The following CEBPZ variants were observed in gnomAD, a reference collection of about 807,000 sequenced individuals.
CEBPZ encodes the protein CCAAT enhancer binding protein zeta, also known as CCAAT/enhancer-binding protein zeta.
A neutral mutation model predicts 104.5 loss-of-function variants in CEBPZ; 78 were observed. The observed-to-expected ratio is 0.75, with a 90% CI of 0.62 to 0.90. The LOEUF (loss-of-function observed/expected upper bound fraction) is 0.90. Among genes scored for constraint, CEBPZ ranks in the 40% least tolerant of loss-of-function variants. CEBPZ has a pLI of 0.00. For missense variants in CEBPZ, 1,439 were observed against 1,233.5 expected, an observed-to-expected ratio of 1.17 and a Z score of -2.50; for synonymous variants, 470 against 427.0, an observed-to-expected ratio of 1.10 and a Z score of -1.24.
chr2:37,206,019 G>A (rs150921050), intron 13 of CEBPZ, among the ~76,000 whole-genome samples: 55 of 152,346 alleles, frequency 3.6e-4, no homozygotes, highest in African/African-American at 1.2e-3. Context: ...AAAAATGAAT[G>A]AGCAGAGATT....
chr2:37,211,771 A>T, intron 12 of CEBPZ, 72 bp downstream of exon 12: 1 of 1,151,676 alleles, frequency 8.7e-7, no homozygotes, highest in Non-Finnish European at 1.2e-6. Context: ...AAAAACCTTT[A>T]GCAGAAAAAC....
intron 1 of CEBPZ, among the ~76,000 whole-genome samples, chr2:37,229,769 A>G (rs756403391): frequency 7.2e-5 from 11 of 152,198 alleles, no homozygotes; most frequent in Non-Finnish European, 1.5e-4. Context: ...GTACAGTGGC[A>G]TGACCATGGC....
chr2:37,223,174 T>C lies in CEBPZ; in HGVS notation c.1877A>G (p.His626Arg). The C allele has an allele frequency of 1.2e-6, 2 of 1,611,238 alleles. No individual in the cohort carries two copies. Among genetic ancestry groups the C allele is most frequent in the Non-Finnish European group, 8.5e-7 (1 of 1,177,926 alleles). ...AAAAGCAGTTGTAAAATATACCGGATGATCATCTAGTTGGCTTCTTAAACC... is the reference window on the plus strand; with the variant it reads ...AAAAGCAGTTGTAAAATATACCGGACGATCATCTAGTTGGCTTCTTAAACC... ...KPGLRSQLDD[H>R]PESDDEENFI... is the part of the protein sequence containing the mutation. The change falls in exon 3 of 16, where the codon CAT becomes CGT. Residue 626 changes from histidine (H) to arginine (R), a missense_variant. Coordinates refer to ENST00000234170, the MANE Select transcript of CEBPZ (RefSeq NM_005760.3).
intron 1 of CEBPZ, 33 bp from the exon 2 acceptor site, chr2:37,229,069 C>T: frequency 7.1e-7 from 1 of 1,399,274 alleles, no homozygotes; most frequent in Non-Finnish European, 9.4e-7. Context: ...AAATACATTA[C>T]AAATGTGAAA....
In CEBPZ at chr2:37,223,322, C is replaced by T; in HGVS notation, c.1729G>A (p.Asp577Asn). The T allele has an allele frequency of 6.2e-7, 1 of 1,614,140 alleles. No homozygotes were observed. Residue 577 changes from aspartate (D) to asparagine (N), a missense_variant, in exon 3 of 16, where the codon GAC becomes AAC. Asp to Asn is a conservative substitution (Grantham distance 23, BLOSUM62 1). Transcript: ENST00000234170. ...GCCTTCACCCGGCGCAACACAATGTCAGCTTTCAGAGATTTGTAGACAAGG... is the reference window on the plus strand; with the variant it reads ...GCCTTCACCCGGCGCAACACAATGTTAGCTTTCAGAGATTTGTAGACAAGG... ...LNLVYKSLKA[D>N]IVLRRVKAFV...
At position 37,228,801 on chromosome 2, in the gene CEBPZ, C is replaced by A; in HGVS notation, c.392G>T (p.Ser131Ile). ...PKINNKNTAE[S>I]QRTSVNKVKN... Reference sequence around the variant, plus strand: ...CACCTTATTAACTGATGTCCTTTGACTTTCTGCTGTATTTTTATTATTTAT... The same window carrying A: ...CACCTTATTAACTGATGTCCTTTGAATTTCTGCTGTATTTTTATTATTTAT... Residue 131 changes from serine to isoleucine, a missense_variant, in exon 2 of 16, where the codon AGT (serine) becomes ATT (isoleucine). Coordinates refer to ENST00000234170, the MANE Select transcript of CEBPZ (RefSeq NM_005760.3). 6.2e-7 allele frequency: 1 copy of A among 1,607,778 alleles called. No homozygotes were observed. Among genetic ancestry groups the A allele is most frequent in the Non-Finnish European group, 8.5e-7 (1 of 1,178,170 alleles).
chr2:37,213,368 G>A (rs944051590), intron 10 of CEBPZ: 5 of 152,698 alleles, frequency 3.3e-5, no homozygotes, highest in African/African-American at 1.2e-4. Flanking sequence ...GTATTTTTCT[G>A]GTGCAAATGT....
At chr2:37,210,688 G>A (rs1677693390) in intron 13 of CEBPZ, 1 of 245,694 alleles carries the variant, frequency 4.1e-6, no homozygotes. Flanking sequence ...AGTGATGGGT[G>A]CACCAAAATC....
intron 13 of CEBPZ, among the ~76,000 whole-genome samples, chr2:37,208,163 C>T (rs2160391): frequency 0.72 from 109,326 of 152,046 alleles, 39,932 homozygotes; most frequent in East Asian, 0.97. Context: ...AATAAAAAAA[C>T]TGCCAACAAA....
intron 2 of CEBPZ, among the ~76,000 whole-genome samples, chr2:37,226,747 T>C (rs1664895518): frequency 6.6e-6 from 1 of 152,120 alleles, no homozygotes; most frequent in South Asian, 2.1e-4. Context: ...TATGTAAAAA[T>C]ATAAAAATGA....
chr2:37,202,174 A>T, intron 15 of CEBPZ: 1 of 255,704 alleles, frequency 3.9e-6, no homozygotes, highest in Non-Finnish European at 7.3e-6. Context: ...AATAAAAACC[A>T]GTAACAATCA....
intron 13 of CEBPZ, among the ~76,000 whole-genome samples, chr2:37,205,929 T>C (rs1558467328): frequency 6.6e-6 from 1 of 152,038 alleles, no homozygotes; most frequent in Non-Finnish European, 1.5e-5. Flanking sequence ...ATTGCAAGGG[T>C]CAAATGGCAA....
Position 37,201,729 on chromosome 2 carries a change from A to C in CEBPZ, c.*35T>G. On this transcript the variant is annotated 3_prime_UTR_variant, in exon 16 of 16. Transcript: ENST00000234170. ...TGGTTGAACAGCAAAAATTAGATGT[A>C]AGTAGAATTTTAATCTATAATTTAC... 3 of 1,203,052 alleles carry C rather than the reference A, an allele frequency of 2.5e-6. No individual in the cohort carries two copies. The highest frequency in any genetic ancestry group is 3.6e-6 in the Non-Finnish European group (3 of 825,940). 74.5% of individuals were successfully genotyped at this position (1,203,052 alleles called of 1,614,324 possible). A position where few individuals can be genotyped will look rare whatever the true frequency, so the allele number is the denominator to read the frequency against.
At chr2:37,230,291 A>G (rs1205405724) in intron 1 of CEBPZ, among the ~76,000 whole-genome samples, 1 of 152,256 alleles carries the variant, frequency 6.6e-6, no homozygotes, top group Admixed American at 6.5e-5. Context: ...CGTATTTCAT[A>G]CACATAAATG....
chr2:37,212,693 T>C (rs1677761591), intron 10 of CEBPZ: 1 of 406,912 alleles, frequency 2.5e-6, no homozygotes, highest in African/African-American at 2.0e-5. Flanking sequence ...TCGTCCTTTT[T>C]ACTCTATTAG....
chr2:37,210,893 C>A lies in CEBPZ; in HGVS notation c.2884+106G>T. 8.5e-6 allele frequency: 5 copies of A among 585,878 alleles called. No individual in the cohort carries two copies. In the Admixed American group the frequency reaches 1.1e-4, roughly 13 times the overall value. The allele number at this position is 585,878 out of a possible 1,614,324, so 36.3% of individuals were successfully genotyped here. A position where few individuals can be genotyped will look rare whatever the true frequency, so the allele number is the denominator to read the frequency against. ...TCTTTCTTAAAAAGAACCCCCCCCA[C>A]CCCTGAATTTTATTAATCAAATTTA... On this transcript the variant is annotated intron_variant, in intron 13 of 15. Coordinates refer to ENST00000234170, the MANE Select transcript of CEBPZ (RefSeq NM_005760.3).
intron 13 of CEBPZ, among the ~76,000 whole-genome samples, chr2:37,207,421 A>G (rs1677576657): frequency 6.6e-6 from 1 of 152,210 alleles, no homozygotes; most frequent in African/African-American, 2.4e-5. Flanking sequence ...AAGTCTCAAT[A>G]AACTTAAGAA....
At chr2:37,204,122 GTTT>G (rs893317495) in intron 13 of CEBPZ, 2 of 151,856 alleles carry the variant, frequency 1.3e-5, no homozygotes, top group African/African-American at 4.8e-5. Context: ...GCATTAGGAA[GTTT>G]TTTTTGGGTT....
rs1290286359 is a variant in CEBPZ at position 37,220,328 on chromosome 2, AAT to A, written c.2154+55_2154+56del. ...AAGACTCTGTCTCAAAAAAAAAAAA[AAT>A]ATATATATATATATATAGCATAAAT... On this transcript the variant is annotated intron_variant, in intron 5 of 15. Coordinates refer to ENST00000234170, the MANE Select transcript of CEBPZ (RefSeq NM_005760.3). 1,928 of 499,188 alleles carry A rather than the reference AAT, an allele frequency of 3.9e-3. 21 individuals carry two copies. Among genetic ancestry groups the A allele is most frequent in the South Asian group, 9.5e-3 (155 of 16,358 alleles). 30.9% of individuals were successfully genotyped at this position (499,188 alleles called of 1,614,324 possible).
Sources: gnomAD v4.1 joint callset for allele counts (sites outside exome capture counted in the v4.1 genomes callset) on GRCh38, gnomAD v4.1.1 for gene constraint, MANE v1.5 for transcripts, NCBI Gene and HGNC (gene_info 2026-07-23, HGNC 2026-07-21) for gene names.